NTRK2: variants seen among roughly 807,000 people sequenced by gnomAD.
NTRK2 encodes the protein neurotrophic receptor tyrosine kinase 2.
A neutral mutation model predicts 94.5 loss-of-function variants in NTRK2; 13 were observed. That is an observed-to-expected ratio of 0.14 (90% confidence interval 0.09 to 0.22). The LOEUF (loss-of-function observed/expected upper bound fraction) is 0.22, where lower values mean the gene tolerates loss of function less well. Ranked by LOEUF, NTRK2 falls within the 10% of genes least tolerant of loss-of-function variation. The probability of loss-of-function intolerance (pLI) is 1.00; values close to 1 mark genes in which losing one functional copy is unlikely to be tolerated. For missense variants in NTRK2, 639 were observed against 1,071.2 expected, an observed-to-expected ratio of 0.60 and a Z score of 5.63; for synonymous variants, 372 against 407.4, an observed-to-expected ratio of 0.91 and a Z score of 1.05.
At chr9:84,994,371 A>G (rs973476229) in intron 17 of NTRK2, among the ~76,000 whole-genome samples, 3 of 152,232 alleles carry the variant, frequency 2.0e-5, no homozygotes, top group Non-Finnish European at 2.9e-5. Context: ...ATTTAAGTGA[A>G]TGAACAGACT....
intron 12 of NTRK2, among the ~76,000 whole-genome samples, chr9:84,794,792 A>AT (rs969099794): frequency 6.6e-6 from 1 of 152,060 alleles, no homozygotes; most frequent in Non-Finnish European, 1.5e-5. Flanking sequence ...GTAGGTTGGA[A>AT]TTTTTTTCTC....
chr9:84,710,096 A>C (rs917512482), intron 5 of NTRK2, among the ~76,000 whole-genome samples: 1 of 152,192 alleles, frequency 6.6e-6, no homozygotes, highest in Non-Finnish European at 1.5e-5. Context: ...TGTATAATGC[A>C]GAAAGCTAGG....
In NTRK2 at chr9:84,814,091, C is replaced by T. The variant is rs538585489; in HGVS notation, c.1397-46949C>T. The stretch of plus-strand genomic sequence containing the variant: ...TTCAGGGGTTTTCTCTCCCAGTCTC[C>T]CAGCAGGGACTGATTTCATTTCTGA... On this transcript the variant is annotated intron_variant, in intron 12 of 18. Transcript: ENST00000277120. 7.5e-6 allele frequency: 8 copies of T among 1,065,152 alleles called. No homozygotes were observed. The Admixed American group carries it at 2.7e-4, about 36-fold the overall frequency. The allele number at this position is 1,065,152 out of a possible 1,614,324, so 66.0% of individuals were successfully genotyped here. A position where few individuals can be genotyped will look rare whatever the true frequency, so the allele number is the denominator to read the frequency against.
chr9:85,011,507 G>A (rs1334688799), intron 17 of NTRK2, among the ~76,000 whole-genome samples: 3 of 152,186 alleles, frequency 2.0e-5, no homozygotes, highest in African/African-American at 7.2e-5. Context: ...GATAAGATTA[G>A]TGTTCTCATG....
intron 12 of NTRK2, among the ~76,000 whole-genome samples, chr9:84,857,600 A>G (rs2075127419): frequency 6.6e-6 from 1 of 152,186 alleles, no homozygotes; most frequent in Non-Finnish European, 1.5e-5. Flanking sequence ...TGGTCTTTTA[A>G]GTGTTTGAGG....
At chr9:84,678,857 G>T (rs552511043) in intron 2 of NTRK2, among the ~76,000 whole-genome samples, 69 of 152,282 alleles carry the variant, frequency 4.5e-4, no homozygotes, top group African/African-American at 1.6e-3. Flanking sequence ...AGATGATATT[G>T]CTCCTTGGTT....
chr9:84,902,222 A>G (rs2076951396), intron 14 of NTRK2, among the ~76,000 whole-genome samples: 1 of 152,040 alleles, frequency 6.6e-6, no homozygotes, highest in Non-Finnish European at 1.5e-5. Context: ...AAATTAAAAA[A>G]AAAAAAGACT....
At chr9:84,865,135 G>T (rs1174643756) in intron 13 of NTRK2, among the ~76,000 whole-genome samples, 2 of 152,190 alleles carry the variant, frequency 1.3e-5, no homozygotes, top group Admixed American at 6.5e-5. Flanking sequence ...GTATTGGAAA[G>T]AACTTGTCTT....
intron 12 of NTRK2, among the ~76,000 whole-genome samples, chr9:84,759,717 ATCT>A (rs1175824972): frequency 2.0e-5 from 3 of 152,280 alleles, no homozygotes; most frequent in South Asian, 2.1e-4. Context: ...AAATCTGAAA[ATCT>A]TCTGGTTTTC....
Position 84,826,776 on chromosome 9 carries a change from G to T in NTRK2, c.1397-34264G>T, listed in dbSNP as rs184242560. Among the ~76,000 whole-genome samples, 267 of 152,246 alleles carry T rather than the reference G, an allele frequency of 1.8e-3. 2 individuals are homozygous for T. Among genetic ancestry groups the T allele is most frequent in the African/African-American group, 6.1e-3 (255 of 41,536 alleles). On this transcript the variant is annotated intron_variant, in intron 12 of 18. Coordinates refer to ENST00000277120, the MANE Select transcript of NTRK2 (RefSeq NM_006180.6). ...TTAGTAGATTCACAATATAGTTATTGTCTATAGCTATTACCACCACTCATT... is the reference window on the plus strand; with the variant it reads ...TTAGTAGATTCACAATATAGTTATTTTCTATAGCTATTACCACCACTCATT...
At chr9:84,869,626 T>C (rs1432838969) in intron 14 of NTRK2, among the ~76,000 whole-genome samples, 1 of 152,146 alleles carries the variant, frequency 6.6e-6, no homozygotes, top group African/African-American at 2.4e-5. Context: ...ATGAGCACTC[T>C]CATGTGTTTC....
intron 15 of NTRK2, 128 bp downstream of exon 15, chr9:84,934,420 A>G: frequency 1.0e-6 from 1 of 1,002,292 alleles, no homozygotes; most frequent in Non-Finnish European, 1.5e-6. Context: ...GATGTATTCA[A>G]ATTCCTTTAA....
upstream of NTRK2, among the ~76,000 whole-genome samples, chr9:84,669,019 C>T (rs2058535995): frequency 6.6e-6 from 1 of 152,052 alleles, no homozygotes; most frequent in Non-Finnish European, 1.5e-5. This position sits in a 1 kb window ranked among gnomAD's most constrained non-coding sequence, Gnocchi z 4.1. Context: ...CAGAAAACGG[C>T]AGGAAAAAGA....
intron 5 of NTRK2, among the ~76,000 whole-genome samples, chr9:84,709,959 CTCTGTGTGTGTGTGTGTG>C (rs1434923658): frequency 5.2e-5 from 6 of 116,406 alleles, no homozygotes; most frequent in East Asian, 2.5e-4. Context: ...GAATAGCTTG[CTCTGTGTGTGTGTGTGTG>C]TGTGTGTGTG....
intron 6 of NTRK2, among the ~76,000 whole-genome samples, chr9:84,716,636 G>T (rs556583511): frequency 2.0e-5 from 3 of 152,280 alleles, no homozygotes; most frequent in African/African-American, 7.2e-5. Context: ...ACACACAAAG[G>T]CTATTTTAGT....
intron 17 of NTRK2, among the ~76,000 whole-genome samples, chr9:84,976,043 G>A (rs188341813): frequency 4.6e-5 from 7 of 152,290 alleles, no homozygotes; most frequent in Admixed American, 4.6e-4. Flanking sequence ...AGCCTATGAT[G>A]ACTCCACACC....
At chr9:84,982,011 T>TAAGCA (rs979664584) in intron 17 of NTRK2, among the ~76,000 whole-genome samples, 7 of 152,266 alleles carry the variant, frequency 4.6e-5, no homozygotes, top group African/African-American at 1.7e-4. Flanking sequence ...TGTTACTGCA[T>TAAGCA]AAGCATTCTG....
chr9:84,672,672 AT>A, intron 2 of NTRK2, among the ~76,000 whole-genome samples: 1 of 152,246 alleles, frequency 6.6e-6, no homozygotes, highest in African/African-American at 2.4e-5. Flanking sequence ...AGGGCTGATC[AT>A]TTTCACTTTG....
chr9:84,725,061 C>T (rs1386183907), intron 8 of NTRK2, among the ~76,000 whole-genome samples: 1 of 152,096 alleles, frequency 6.6e-6, no homozygotes, highest in African/African-American at 2.4e-5. Flanking sequence ...ACTATATAGA[C>T]ACTTCACGTC....
Sources: gnomAD v4.1 joint callset for allele counts (sites outside exome capture counted in the v4.1 genomes callset) on GRCh38, gnomAD v4.1.1 for gene constraint, Gnocchi (gnomAD v3.1) non-coding constraint, MANE v1.5 for transcripts, NCBI Gene and HGNC (gene_info 2026-07-23, HGNC 2026-07-21) for gene names.